The following NTNG1 variants were observed in gnomAD, a reference collection of about 807,000 sequenced individuals.
NTNG1 encodes the protein netrin-G1.
NTNG1 carries 16 observed loss-of-function variants against 54.0 expected under a neutral mutation model. The observed-to-expected ratio is 0.30, with a 90% CI of 0.20 to 0.45. NTNG1 has a LOEUF of 0.45. NTNG1 is among the 20% of genes least tolerant of loss of function. The pLI is 1.00. For synonymous variants in NTNG1, 255 were observed against 263.1 expected (o/e 0.97, Z 0.30); for missense variants, 530 against 678.7 (o/e 0.78, Z 2.43).
intron 2 of NTNG1, among the ~76,000 whole-genome samples, chr1:107,157,935 C>T (rs886141182): frequency 6.6e-6 from 1 of 152,022 alleles, no homozygotes; most frequent in East Asian, 1.9e-4. Context: ...TTCCACACTC[C>T]TCATTTTGTG....
At chr1:107,250,791 C>G (rs1373375926) in intron 2 of NTNG1, among the ~76,000 whole-genome samples, 4 of 152,262 alleles carry the variant, frequency 2.6e-5, no homozygotes, top group African/African-American at 7.2e-5. Flanking sequence ...TGACCTTGGT[C>G]AAGGCAGCTT....
At chr1:107,345,813 G>A (rs954739044) in intron 3 of NTNG1, among the ~76,000 whole-genome samples, 3 of 152,082 alleles carry the variant, frequency 2.0e-5, no homozygotes, top group Non-Finnish European at 4.4e-5. Context: ...TTCATTCCTA[G>A]GTTATGTATG....
At chr1:107,378,969 T>C in intron 3 of NTNG1, among the ~76,000 whole-genome samples, 1 of 152,250 alleles carries the variant, frequency 6.6e-6, no homozygotes, top group East Asian at 1.9e-4. Flanking sequence ...GCATTAAATA[T>C]AACCCTGCAA....
chr1:107,275,785 A>G (rs1473480281), intron 2 of NTNG1, among the ~76,000 whole-genome samples: 3 of 152,212 alleles, frequency 2.0e-5, no homozygotes, highest in Admixed American at 6.5e-5. Context: ...TTCAAATGGT[A>G]ATCTTACAAA....
At chr1:107,419,101 A>G (rs1357383845) in intron 5 of NTNG1, among the ~76,000 whole-genome samples, 3 of 151,740 alleles carry the variant, frequency 2.0e-5, no homozygotes, top group Non-Finnish European at 4.4e-5. Context: ...ATTGCTCCAT[A>G]TTGACTTGCA....
intron 2 of NTNG1, among the ~76,000 whole-genome samples, chr1:107,253,638 C>T (rs1662752059): frequency 1.3e-5 from 2 of 152,132 alleles, no homozygotes; most frequent in African/African-American, 4.8e-5. Flanking sequence ...TTTAGATTGC[C>T]TTATAATTGT....
chr1:107,346,884 T>C (rs1669273112), intron 3 of NTNG1, among the ~76,000 whole-genome samples: 1 of 97,140 alleles, frequency 1.0e-5, no homozygotes, highest in African/African-American at 3.9e-5. Flanking sequence ...TTTTCTATCC[T>C]AAAAAAAAAA....
At chr1:107,281,789 A>C (rs1161740981) in intron 2 of NTNG1, among the ~76,000 whole-genome samples, 1 of 152,186 alleles carries the variant, frequency 6.6e-6, no homozygotes, top group Non-Finnish European at 1.5e-5. Context: ...TTTTACCAGA[A>C]TGTAAATCAA....
intron 3 of NTNG1, among the ~76,000 whole-genome samples, chr1:107,358,269 T>A (rs963498798): frequency 1.3e-5 from 2 of 152,128 alleles, no homozygotes; most frequent in African/African-American, 4.8e-5. Flanking sequence ...TGAGTTATTT[T>A]AAAAATTTAG....
chr1:107,175,566 A>G (rs534068272), intron 2 of NTNG1, among the ~76,000 whole-genome samples: 2 of 151,854 alleles, frequency 1.3e-5, no homozygotes, highest in Admixed American at 1.3e-4. Context: ...GGTATAATTA[A>G]TGTCACTGAG....
intron 7 of NTNG1, among the ~76,000 whole-genome samples, chr1:107,469,236 A>G (rs12354113): frequency 0.092 from 13,982 of 152,168 alleles, 855 homozygotes; most frequent in Non-Finnish European, 0.14. Context: ...ACAAGTCACC[A>G]TTCTCTTCCT....
intron 2 of NTNG1, among the ~76,000 whole-genome samples, chr1:107,228,553 CAAT>C (rs1407834554): frequency 1.3e-5 from 2 of 152,052 alleles, no homozygotes; most frequent in Admixed American, 1.3e-4. Context: ...AAAACAACTG[CAAT>C]AATAATAATA....
Position 107,283,243 on chromosome 1 carries a change from T to C in NTNG1, c.247-41039T>C, listed in dbSNP as rs143773794. Reference sequence around the variant, plus strand: ...AGTTGATGCAACATTTAAGAGGCTATGTACTAAATTCCAACTTGATTAGAA... The same window carrying C: ...AGTTGATGCAACATTTAAGAGGCTACGTACTAAATTCCAACTTGATTAGAA... On this transcript the variant is annotated intron_variant, in intron 2 of 7. Coordinates refer to ENST00000370068, the MANE Select transcript of NTNG1 (RefSeq NM_001113226.3). 4.6e-3 allele frequency among the ~76,000 whole-genome samples: 708 copies of C among 152,264 alleles called. 1 individual carries two copies. The highest frequency in any genetic ancestry group is 7.2e-3 in the African/African-American group (298 of 41,552).
intron 5 of NTNG1, among the ~76,000 whole-genome samples, chr1:107,426,133 A>G: frequency 6.6e-6 from 1 of 152,036 alleles, no homozygotes; most frequent in East Asian, 1.9e-4. Flanking sequence ...TTGTCTGTTT[A>G]TTCTGTTGAT....
intron 2 of NTNG1, among the ~76,000 whole-genome samples, chr1:107,315,404 G>C (rs1469299609): frequency 6.6e-6 from 1 of 152,058 alleles, no homozygotes; most frequent in Non-Finnish European, 1.5e-5. Flanking sequence ...AAATCAAATT[G>C]TGGCAGGCCT....
At chr1:107,197,288 A>G (rs919729485) in intron 2 of NTNG1, among the ~76,000 whole-genome samples, 39 of 151,754 alleles carry the variant, frequency 2.6e-4, no homozygotes, top group Non-Finnish European at 4.4e-5. Context: ...GCTTACTGCC[A>G]CTCCCAAATG....
chr1:107,395,601 G>T, intron 4 of NTNG1: 1 of 572,454 alleles, frequency 1.7e-6, no homozygotes, highest in Non-Finnish European at 3.2e-6. Context: ...TGAGACAGGA[G>T]GTGATTTTTT....
chr1:107,182,090 G>A (rs1480369738), intron 2 of NTNG1, among the ~76,000 whole-genome samples: 1 of 151,962 alleles, frequency 6.6e-6, no homozygotes, highest in Non-Finnish European at 1.5e-5. Flanking sequence ...AAACCAATGT[G>A]CATTTTCCCT....
intron 2 of NTNG1, among the ~76,000 whole-genome samples, chr1:107,194,638 G>C (rs72697690): frequency 0.052 from 7,840 of 152,090 alleles, 221 homozygotes; most frequent in African/African-American, 0.077. Context: ...GCATCCATCT[G>C]TAATGTGTTT....
Sources: allele counts gnomAD v4.1 joint callset (sites outside exome capture counted in the v4.1 genomes callset), GRCh38; gene constraint gnomAD v4.1.1; transcripts MANE v1.5; gene names NCBI Gene and HGNC (gene_info 2026-07-23, HGNC 2026-07-21).